The following FMN2 variants were observed in gnomAD, a reference collection of about 807,000 sequenced individuals.
FMN2 encodes formin-2.
A neutral mutation model predicts 142.3 loss-of-function variants in FMN2; 51 were observed. That is an observed-to-expected ratio of 0.36 (90% confidence interval 0.29 to 0.45). The LOEUF is 0.45. Among genes scored for constraint, FMN2 ranks in the 20% least tolerant of loss-of-function variants. The probability of loss-of-function intolerance (pLI) is 1.00; values close to 1 mark genes in which losing one functional copy is unlikely to be tolerated. For synonymous variants in FMN2, 882 were observed against 869.8 expected, an observed-to-expected ratio of 1.01 and a Z score of -0.25; for missense variants, 1,936 against 2,122.8, an observed-to-expected ratio of 0.91 and a Z score of 1.73.
At chr1:240,148,829 G>A (rs1470951548) in intron 2 of FMN2, among the ~76,000 whole-genome samples, 9 of 151,952 alleles carry the variant, frequency 5.9e-5, no homozygotes, top group Non-Finnish European at 8.8e-5. Flanking sequence ...AAAATTAGCC[G>A]GGCATGGTGA....
intron 5 of FMN2, among the ~76,000 whole-genome samples, chr1:240,209,701 G>C (rs1666607988): frequency 6.7e-6 from 1 of 150,046 alleles, no homozygotes; most frequent in South Asian, 2.2e-4. Flanking sequence ...TCAGGAGATT[G>C]AGACCATCCT....
chr1:240,267,620 T>C (rs934966881), intron 7 of FMN2, among the ~76,000 whole-genome samples: 1 of 130,600 alleles, frequency 7.7e-6, no homozygotes, highest in African/African-American at 2.9e-5. Flanking sequence ...CCTGCACTTG[T>C]ACCCCTGAAC....
At chr1:240,313,976 A>T (rs1670681430) in intron 8 of FMN2, among the ~76,000 whole-genome samples, 1 of 152,152 alleles carries the variant, frequency 6.6e-6, no homozygotes, top group South Asian at 2.1e-4. Flanking sequence ...ACTCTGTCTC[A>T]GAAAAAAAAT....
intron 2 of FMN2, among the ~76,000 whole-genome samples, chr1:240,131,935 G>A (rs1276364803): frequency 6.6e-6 from 1 of 152,210 alleles, no homozygotes; most frequent in African/African-American, 2.4e-5. Context: ...TGGCAGATTG[G>A]AGAATGGATT....
intron 14 of FMN2, among the ~76,000 whole-genome samples, chr1:240,365,521 C>T (rs1247416745): frequency 6.6e-6 from 1 of 151,778 alleles, no homozygotes; most frequent in Non-Finnish European, 1.5e-5. Flanking sequence ...GTACTATATT[C>T]ATTTTATGTT....
intron 6 of FMN2, among the ~76,000 whole-genome samples, chr1:240,220,428 C>CT (rs1278474859): frequency 6.6e-6 from 1 of 152,110 alleles, no homozygotes; most frequent in African/African-American, 2.4e-5. Context: ...TCTTCAGTCT[C>CT]CTGTTAGAGA....
intron 2 of FMN2, among the ~76,000 whole-genome samples, chr1:240,176,758 A>C (rs958337098): frequency 1.3e-5 from 2 of 152,226 alleles, no homozygotes; most frequent in African/African-American, 4.8e-5. Flanking sequence ...GCTGGAAGAT[A>C]CATGAGTAGC....
At chr1:240,221,883 T>G (rs2103424212) in intron 6 of FMN2, among the ~76,000 whole-genome samples, 2 of 149,774 alleles carry the variant, frequency 1.3e-5, no homozygotes, top group Admixed American at 1.3e-4. Flanking sequence ...AGTCTTGCTC[T>G]GTCACCCAGG....
Position 240,330,740 on chromosome 1 carries a change from CAAGAGCAGTGT to C in FMN2, c.4579_4584+5del. 1 of 1,613,784 alleles carries C rather than the reference CAAGAGCAGTGT, an allele frequency of 6.2e-7. No individual in the cohort carries two copies. Among genetic ancestry groups the C allele is most frequent in the Non-Finnish European group, 8.5e-7 (1 of 1,179,848 alleles). On this transcript the variant is annotated splice_donor_variant and coding_sequence_variant, in exon 11 of 18. Coordinates refer to ENST00000319653, the MANE Select transcript of FMN2 (RefSeq NM_020066.5). LOFTEE classifies it high-confidence loss of function. The stretch of plus-strand genomic sequence containing the variant: ...ACATTCTTCCAAAACTGAAAGATGT[CAAGAGCAGTGT>C]AAGTATTTTGCATGAGTGGACGTAA...
At chr1:240,451,497 C>T (rs1439427767) in intron 16 of FMN2, among the ~76,000 whole-genome samples, 1 of 151,962 alleles carries the variant, frequency 6.6e-6, no homozygotes, top group African/African-American at 2.4e-5. Flanking sequence ...ATATTCTGCC[C>T]CTGCAGTGGT....
intron 2 of FMN2, among the ~76,000 whole-genome samples, chr1:240,161,667 ACT>A (rs2103293634): frequency 6.6e-6 from 1 of 152,268 alleles, no homozygotes; most frequent in East Asian, 1.9e-4. Flanking sequence ...CACCTAACAG[ACT>A]CTCATGTATA....
At chr1:240,334,848 T>C (rs1189077795) in intron 13 of FMN2, among the ~76,000 whole-genome samples, 1 of 152,216 alleles carries the variant, frequency 6.6e-6, no homozygotes, top group Non-Finnish European at 1.5e-5. Flanking sequence ...GATATTCTTA[T>C]TGAGTTGCGA....
At chr1:240,428,717 A>T (rs959448760) in intron 15 of FMN2, among the ~76,000 whole-genome samples, 1 of 152,220 alleles carries the variant, frequency 6.6e-6, no homozygotes, top group Non-Finnish European at 1.5e-5. Context: ...TAACATATGC[A>T]TTACCTTACA....
intron 7 of FMN2, among the ~76,000 whole-genome samples, chr1:240,265,749 G>A (rs1191564181): frequency 6.6e-6 from 1 of 152,034 alleles, no homozygotes; most frequent in Non-Finnish European, 1.5e-5. Flanking sequence ...TTTCTCATTA[G>A]TTCAAAAGGC....
chr1:240,365,173 ACG>A (rs1218155283), intron 14 of FMN2, among the ~76,000 whole-genome samples: 2 of 147,612 alleles, frequency 1.4e-5, no homozygotes, highest in Admixed American at 1.3e-4. Flanking sequence ...ATACATACAT[ACG>A]TGTGCATATA....
chr1:240,246,985 G>C (rs1668104064), intron 6 of FMN2, among the ~76,000 whole-genome samples: 1 of 152,056 alleles, frequency 6.6e-6, no homozygotes, highest in Admixed American at 6.6e-5. Flanking sequence ...TCTAACTTTA[G>C]GTTCTTCTTC....
At chr1:240,446,121 A>G (rs1675802372) in intron 16 of FMN2, among the ~76,000 whole-genome samples, 1 of 152,212 alleles carries the variant, frequency 6.6e-6, no homozygotes, top group Non-Finnish European at 1.5e-5. Context: ...AAACCAGGAT[A>G]TTAAGATATT....
intron 14 of FMN2, among the ~76,000 whole-genome samples, chr1:240,384,889 A>G (rs1299272812): frequency 1.3e-5 from 2 of 152,214 alleles, no homozygotes; most frequent in African/African-American, 4.8e-5. Flanking sequence ...TAATATCAAC[A>G]TCATTCCATA....
intron 2 of FMN2, chr1:240,143,442 T>C (rs1663282746): frequency 2.1e-6 from 3 of 1,460,286 alleles, no homozygotes; most frequent in Non-Finnish European, 2.9e-6. Context: ...CCTGATGTGC[T>C]CCCATGTCAG....
Sources: gnomAD v4.1 joint callset for allele counts (sites outside exome capture counted in the v4.1 genomes callset) on GRCh38, gnomAD v4.1.1 for gene constraint, MANE v1.5 for transcripts, NCBI Gene and HGNC (gene_info 2026-07-23, HGNC 2026-07-21) for gene names.